The following ZNF385D variants were observed in gnomAD, a reference collection of about 807,000 sequenced individuals.
The protein encoded by ZNF385D is zinc finger protein 659.
ZNF385D carries 15 observed loss-of-function variants against 35.8 expected under a neutral mutation model. The observed-to-expected ratio is 0.42, with a 90% CI of 0.28 to 0.64. ZNF385D has a LOEUF of 0.64. ZNF385D is among the 30% of genes least tolerant of loss of function. ZNF385D has a pLI of 0.23. For synonymous variants in ZNF385D, 212 were observed against 186.8 expected (o/e 1.13, Z -1.10); for missense variants, 474 against 494.6 (o/e 0.96, Z 0.39).
intron 3 of ZNF385D, among the ~76,000 whole-genome samples, chr3:22,047,573 G>A (rs1173855264): frequency 6.6e-6 from 1 of 152,034 alleles, no homozygotes; most frequent in African/African-American, 2.4e-5. Context: ...ATAAATGACA[G>A]GATTTCCTTC....
chr3:22,040,906 T>A (rs1264902569), intron 3 of ZNF385D, among the ~76,000 whole-genome samples: 1 of 152,126 alleles, frequency 6.6e-6, no homozygotes, highest in Non-Finnish European at 1.5e-5. Flanking sequence ...TGGGGGAAGT[T>A]TTATTTTAAT....
intron 3 of ZNF385D, among the ~76,000 whole-genome samples, chr3:22,012,332 T>G (rs1696628081): frequency 6.6e-6 from 1 of 152,146 alleles, no homozygotes; most frequent in Non-Finnish European, 1.5e-5. Context: ...TAAGATAAAA[T>G]GTTTGGTCGA....
chr3:21,762,927 T>A (rs1377354502), intron 3 of ZNF385D, among the ~76,000 whole-genome samples: 1 of 152,138 alleles, frequency 6.6e-6, no homozygotes, highest in African/African-American at 2.4e-5. Context: ...CTTCCTCTTC[T>A]CCCTTCCACA....
chr3:22,177,051 A>G (rs1476166391), intron 2 of ZNF385D, among the ~76,000 whole-genome samples: 14 of 152,010 alleles, frequency 9.2e-5, no homozygotes, highest in Non-Finnish European at 1.5e-5. Flanking sequence ...TACTGTTCCT[A>G]TTTTAGGGAT....
At chr3:21,960,854 C>A (rs903851356) in intron 3 of ZNF385D, among the ~76,000 whole-genome samples, 1 of 152,026 alleles carries the variant, frequency 6.6e-6, no homozygotes, top group African/African-American at 2.4e-5. Context: ...TGTTCTCGCT[C>A]ACATGTGGGA....
chr3:22,336,380 G>C (rs1695161590), intron 2 of ZNF385D, among the ~76,000 whole-genome samples: 1 of 152,020 alleles, frequency 6.6e-6, no homozygotes, highest in African/African-American at 2.4e-5. Context: ...CTATTCAACT[G>C]TATCAGAAAT....
chr3:22,014,671 T>C (rs551861323), intron 3 of ZNF385D, among the ~76,000 whole-genome samples: 1 of 151,498 alleles, frequency 6.6e-6, no homozygotes, highest in South Asian at 2.1e-4. Context: ...TGCAAGCAAA[T>C]TGAATAATGA....
chr3:21,694,606 A>G (rs1466357431), intron 1 of ZNF385D, among the ~76,000 whole-genome samples: 12 of 152,220 alleles, frequency 7.9e-5, no homozygotes, highest in African/African-American at 2.7e-4. Flanking sequence ...AAGAGAAATC[A>G]GAATTATGGT....
chr3:21,511,773 A>C (rs1261283829), intron 3 of ZNF385D: 1 of 455,752 alleles, frequency 2.2e-6, no homozygotes, highest in Non-Finnish European at 4.4e-6. Flanking sequence ...ATATATAGAG[A>C]GAGAGTTTAG....
intron 3 of ZNF385D, among the ~76,000 whole-genome samples, chr3:22,156,429 C>A (rs1705585395): frequency 6.6e-6 from 1 of 152,094 alleles, no homozygotes; most frequent in African/African-American, 2.4e-5. Flanking sequence ...TTCAAATTAA[C>A]TGCAATGCTC....
At chr3:21,688,237 T>C (rs566049781) in intron 1 of ZNF385D, among the ~76,000 whole-genome samples, 7 of 152,286 alleles carry the variant, frequency 4.6e-5, no homozygotes, top group African/African-American at 1.4e-4. Context: ...GTTGGAATAA[T>C]TGTATATCTT....
At chr3:21,892,391 G>C (rs189058325) in intron 3 of ZNF385D, among the ~76,000 whole-genome samples, 3 of 152,142 alleles carry the variant, frequency 2.0e-5, no homozygotes, top group East Asian at 3.9e-4. Flanking sequence ...ATATCTCTAA[G>C]AATACAACAA....
At chr3:21,901,876 G>A (rs1699432196) in intron 3 of ZNF385D, among the ~76,000 whole-genome samples, 2 of 152,144 alleles carry the variant, frequency 1.3e-5, no homozygotes, top group South Asian at 4.1e-4. Context: ...CTCAGCAAAG[G>A]GAAGGAAGAC....
chr3:21,967,058 A>G (rs1314012570), intron 3 of ZNF385D, among the ~76,000 whole-genome samples: 1 of 152,240 alleles, frequency 6.6e-6, no homozygotes, highest in Non-Finnish European at 1.5e-5. Flanking sequence ...TAATTCAAAT[A>G]ATAGTGAAAA....
chr3:22,312,888 C>A (rs13077345), intron 2 of ZNF385D, among the ~76,000 whole-genome samples: 67,064 of 113,346 alleles, frequency 0.59, 20,531 homozygotes, highest in African/African-American at 0.81. Context: ...TTGACCCAGC[C>A]ATCCCATTAC....
At chr3:21,797,046 A>G (rs1575665894) in intron 3 of ZNF385D, among the ~76,000 whole-genome samples, 1 of 152,356 alleles carries the variant, frequency 6.6e-6, no homozygotes, top group East Asian at 1.9e-4. Context: ...CTTGAAAGAC[A>G]TCGTCAAGAG....
chr3:21,997,580 G>A (rs1314371888), intron 3 of ZNF385D, among the ~76,000 whole-genome samples: 1 of 151,594 alleles, frequency 6.6e-6, no homozygotes, highest in Non-Finnish European at 1.5e-5. Context: ...GTATAATATG[G>A]AGAGGAAGTA....
chr3:22,349,344 T>C (rs900575976), intron 2 of ZNF385D, among the ~76,000 whole-genome samples: 3 of 152,200 alleles, frequency 2.0e-5, no homozygotes, highest in African/African-American at 4.8e-5. Flanking sequence ...GTGAATAGTG[T>C]TCCTAGGGGA....
intron 2 of ZNF385D, among the ~76,000 whole-genome samples, chr3:22,274,791 T>C (rs1208222456): frequency 6.6e-6 from 1 of 151,376 alleles, no homozygotes; most frequent in Non-Finnish European, 1.5e-5. Context: ...GTACTTTTTT[T>C]TTTTTTTTAA....
Sources: gnomAD v4.1 joint callset for allele counts (sites outside exome capture counted in the v4.1 genomes callset) on GRCh38, gnomAD v4.1.1 for gene constraint, MANE v1.5 for transcripts, NCBI Gene and HGNC (gene_info 2026-07-23, HGNC 2026-07-21) for gene names.